The following ZBTB40 variants were observed in gnomAD, a reference collection of about 807,000 sequenced individuals.
The protein encoded by ZBTB40 is zinc finger and BTB domain-containing protein 40.
Under a neutral mutation model 117.5 loss-of-function variants are expected in ZBTB40, and 60 were observed. The ratio of observed to expected loss-of-function variants is 0.51; its 90% confidence interval spans 0.41 to 0.63. The LOEUF (loss-of-function observed/expected upper bound fraction) is 0.63, where lower values mean the gene tolerates loss of function less well. Ranked by LOEUF, ZBTB40 falls within the 30% of genes least tolerant of loss-of-function variation. The pLI is 0.00. For missense variants in ZBTB40, 1,287 were observed against 1,498.5 expected, an observed-to-expected ratio of 0.86 and a Z score of 2.33; for synonymous variants, 525 against 577.1, an observed-to-expected ratio of 0.91 and a Z score of 1.29.
At chr1:22,472,265 C>G (rs1641430315) in intron 1 of ZBTB40, among the ~76,000 whole-genome samples, 1 of 151,912 alleles carries the variant, frequency 6.6e-6, no homozygotes, top group African/African-American at 2.4e-5. Context: ...CTCACTGAAG[C>G]CTCAACCTCC....
At chr1:22,507,331 T>C (rs1214733375) in intron 6 of ZBTB40, among the ~76,000 whole-genome samples, 1 of 152,204 alleles carries the variant, frequency 6.6e-6, no homozygotes, top group Non-Finnish European at 1.5e-5. Flanking sequence ...TCAGTAAATA[T>C]TAGTTGCTGT....
chr1:22,527,017 C>T lies in ZBTB40; in HGVS notation c.*621C>T, dbSNP rs1639698029. On this transcript the variant is annotated 3_prime_UTR_variant, in exon 18 of 18. Transcript: ENST00000375647. ...CTATAGGACAGGTAGCCCTCATTTC[C>T]ATGCCTGATAACCCCTTGTCAGTTG... 2 of 160,834 alleles carry T rather than the reference C, an allele frequency of 1.2e-5. No homozygotes were observed. Among genetic ancestry groups the T allele is most frequent in the African/African-American group, 4.8e-5 (2 of 41,576 alleles). 10.0% of individuals were successfully genotyped at this position (160,834 alleles called of 1,614,324 possible). A position where few individuals can be genotyped will look rare whatever the true frequency, so the allele number is the denominator to read the frequency against.
chr1:22,513,695 C>T lies in ZBTB40; in HGVS notation c.2668+565C>T, dbSNP rs1012443753. ...CAGCCTGGGCAACAGAGTGAGACTCCGTCTCAAAAATAATAATAATAATAA... is the reference window on the plus strand; with the variant it reads ...CAGCCTGGGCAACAGAGTGAGACTCTGTCTCAAAAATAATAATAATAATAA... On this transcript the variant is annotated intron_variant, in intron 12 of 17. Transcript: ENST00000375647. This position sits in a 1 kb window ranked among gnomAD's most constrained non-coding sequence, Gnocchi z 4.9. Among the ~76,000 whole-genome samples, 13 of 151,938 alleles carry T rather than the reference C, an allele frequency of 8.6e-5. 1 individual carries two copies. Among genetic ancestry groups the T allele is most frequent in the African/African-American group, 2.9e-4 (12 of 41,374 alleles).
At chr1:22,456,437 A>G (rs772751632) in intron 1 of ZBTB40, among the ~76,000 whole-genome samples, 1 of 152,174 alleles carries the variant, frequency 6.6e-6, no homozygotes, top group African/African-American at 2.4e-5. Flanking sequence ...CTCAGGGTAA[A>G]TGGTTGAATT....
At chr1:22,465,553 C>T (rs1641234131) in intron 1 of ZBTB40, among the ~76,000 whole-genome samples, 1 of 152,194 alleles carries the variant, frequency 6.6e-6, no homozygotes, top group African/African-American at 2.4e-5. Context: ...TTACTGGGAC[C>T]TGCCCCCTTC....
intron 1 of ZBTB40, among the ~76,000 whole-genome samples, chr1:22,483,934 AAG>A (rs1638395768): frequency 6.6e-6 from 1 of 152,192 alleles, no homozygotes; most frequent in Non-Finnish European, 1.5e-5. Flanking sequence ...TGAAGGGTGT[AAG>A]GTCTATGTCT....
chr1:22,488,306 GATA>G (rs1273610784), intron 1 of ZBTB40, among the ~76,000 whole-genome samples: 9 of 152,130 alleles, frequency 5.9e-5, no homozygotes, highest in Non-Finnish European at 1.2e-4. Flanking sequence ...AAGGAAGATA[GATA>G]ATAACAAATA....
intron 1 of ZBTB40, among the ~76,000 whole-genome samples, chr1:22,485,286 C>T (rs188888652): frequency 5.9e-5 from 9 of 152,248 alleles, no homozygotes; most frequent in African/African-American, 2.2e-4. Context: ...GTTGCTTCCA[C>T]TTTGGGGAGG....
chr1:22,517,200 A>C, intron 12 of ZBTB40, 100 bp from the exon 13 acceptor site: 1 of 1,529,354 alleles, frequency 6.5e-7, no homozygotes. Flanking sequence ...GTCATCTACC[A>C]GATGATATTT....
chr1:22,508,317 G>A (rs1455153951), intron 7 of ZBTB40, among the ~76,000 whole-genome samples, 180 bp downstream of exon 7: 1 of 152,218 alleles, frequency 6.6e-6, no homozygotes, highest in Non-Finnish European at 1.5e-5. Flanking sequence ...AAATAGAATA[G>A]TTCTAATTTC....
rs985760039 is a variant in ZBTB40, at chr1:22,493,528, T to G, written c.831+1995T>G. On this transcript the variant is annotated intron_variant, in intron 3 of 17. Transcript: ENST00000375647. ...ACCTGTAGCTAGGTATGGTGTACAG[T>G]GTGATTAGTTTTGGTATATGCCCTG... Among the ~76,000 whole-genome samples the G allele has an allele frequency of 2.0e-5, 3 of 152,176 alleles. No homozygotes were observed. The South Asian group carries it at 6.2e-4, about 32-fold the overall frequency.
intron 1 of ZBTB40, among the ~76,000 whole-genome samples, chr1:22,446,184 T>G (rs1640786679): frequency 6.7e-6 from 1 of 149,614 alleles, no homozygotes. Context: ...GGAAAGAATC[T>G]CTGAGCTTAA....
intron 1 of ZBTB40, among the ~76,000 whole-genome samples, chr1:22,480,786 G>C (rs886316862): frequency 6.6e-6 from 1 of 152,164 alleles, no homozygotes; most frequent in Admixed American, 6.5e-5. Context: ...CTATACCTCT[G>C]TATGGCATAG....
chr1:22,476,699 TTATTC>T (rs1287321132), intron 1 of ZBTB40, among the ~76,000 whole-genome samples: 2 of 152,252 alleles, frequency 1.3e-5, no homozygotes, highest in Non-Finnish European at 2.9e-5. Flanking sequence ...CTAAGTATCT[TTATTC>T]TATATCAGTA....
chr1:22,436,379 G>A (rs1640670892), intron 1 of ZBTB40, among the ~76,000 whole-genome samples: 2 of 152,160 alleles, frequency 1.3e-5, no homozygotes, highest in Non-Finnish European at 2.9e-5. Flanking sequence ...GGGTGTGGTG[G>A]CACATGCCTG....
chr1:22,499,807 G>A (rs1638876551), intron 3 of ZBTB40, among the ~76,000 whole-genome samples: 1 of 152,166 alleles, frequency 6.6e-6, no homozygotes, highest in Admixed American at 6.5e-5. Context: ...TGGGAGGAGA[G>A]GAGAAAGATA....
chr1:22,503,613 A>G (rs974503751), intron 5 of ZBTB40, among the ~76,000 whole-genome samples: 30 of 150,622 alleles, frequency 2.0e-4, no homozygotes, highest in Admixed American at 1.3e-3. Context: ...GTGCGCACGC[A>G]CACACACACA....
upstream of ZBTB40, among the ~76,000 whole-genome samples, chr1:22,450,363 A>C (rs1030514576): frequency 2.6e-5 from 4 of 152,252 alleles, no homozygotes; most frequent in Non-Finnish European, 5.9e-5. Flanking sequence ...AGGCTGGTGG[A>C]AATGAGGGCT....
chr1:22,463,479 AGG>A (rs1641181279), intron 1 of ZBTB40, among the ~76,000 whole-genome samples: 1 of 152,236 alleles, frequency 6.6e-6, no homozygotes. Flanking sequence ...GACAAAGCAA[AGG>A]GTCTTTTTGA....
Sources: gnomAD v4.1 joint callset for allele counts (sites outside exome capture counted in the v4.1 genomes callset) on GRCh38, gnomAD v4.1.1 for gene constraint, Gnocchi (gnomAD v3.1) non-coding constraint, MANE v1.5 for transcripts, NCBI Gene and HGNC (gene_info 2026-07-23, HGNC 2026-07-21) for gene names.